Variants in TEX2 observed in about 807,000 individuals in gnomAD.
TEX2 encodes the protein testis expressed 2, also known as testis-expressed protein 2.
TEX2 carries 53 observed loss-of-function variants against 106.9 expected under a neutral mutation model. The observed-to-expected ratio is 0.50, with a 90% confidence interval of 0.40 to 0.62. TEX2 has a LOEUF of 0.62. Among genes scored for constraint, TEX2 ranks in the 20% least tolerant of loss-of-function variants. TEX2 has a pLI of 0.00. For synonymous variants in TEX2, 523 were observed against 534.8 expected (o/e 0.98, Z 0.30); for missense variants, 1,207 against 1,379.0 (o/e 0.88, Z 1.98).
At chr17:64,193,470 T>G in intron 4 of TEX2, 89 bp downstream of exon 4, 4 of 1,164,824 alleles carry the variant, frequency 3.4e-6, no homozygotes, top group Non-Finnish European at 4.6e-6. Flanking sequence ...TGGGCTTCCT[T>G]CCTTCCTTCC....
chr17:64,242,100 C>A (rs1224909704), intron 1 of TEX2, among the ~76,000 whole-genome samples: 1 of 152,206 alleles, frequency 6.6e-6, no homozygotes, highest in Non-Finnish European at 1.5e-5. Context: ...AGGAACACTG[C>A]ACATAATACC....
At chr17:64,151,818 A>C (rs1025294425) in intron 10 of TEX2, among the ~76,000 whole-genome samples, 1 of 152,230 alleles carries the variant, frequency 6.6e-6, no homozygotes, top group Non-Finnish European at 1.5e-5. Flanking sequence ...AAATGTATCA[A>C]TTTTAACTAT....
intron 5 of TEX2, among the ~76,000 whole-genome samples, chr17:64,178,604 T>C (rs2031709274): frequency 6.6e-6 from 1 of 152,182 alleles, no homozygotes; most frequent in African/African-American, 2.4e-5. Context: ...ATGGCAGACA[T>C]TTTCCTGTGC....
rs2033228524 is a variant in TEX2, at chr17:64,217,821, C to G, written c.-25-3579G>C. Among the ~76,000 whole-genome samples the G allele has an allele frequency of 6.6e-6, 1 of 152,196 alleles. No individual in the cohort carries two copies. The highest frequency in any genetic ancestry group is 2.1e-4 in the South Asian group (1 of 4,836). On this transcript the variant is annotated intron_variant, in intron 1 of 11. Coordinates refer to ENST00000584379, the MANE Select transcript of TEX2 (RefSeq NM_001288732.2). This position sits in a 1 kb window ranked among gnomAD's most constrained non-coding sequence, Gnocchi z 4.3. ...GCCCTTGGGTTTTAACACTGACCCC[C>G]CAAGCCTTGTGATGGGAAGGAGAGC... is the stretch of plus-strand genomic sequence containing the variant.
intron 1 of TEX2, among the ~76,000 whole-genome samples, chr17:64,252,567 T>C (rs1367639274): frequency 1.3e-5 from 2 of 151,968 alleles, no homozygotes; most frequent in Non-Finnish European, 2.9e-5. Flanking sequence ...CCTCCCACCC[T>C]AGCCTCCCAA....
chr17:64,168,277 C>T (rs2031230680), intron 7 of TEX2, among the ~76,000 whole-genome samples: 1 of 152,208 alleles, frequency 6.6e-6, no homozygotes, highest in Non-Finnish European at 1.5e-5. Context: ...TATCATCATA[C>T]ATGCATCATT....
chr17:64,187,687 T>C (rs2030754860), intron 5 of TEX2, among the ~76,000 whole-genome samples: 1 of 152,166 alleles, frequency 6.6e-6, no homozygotes, highest in South Asian at 2.1e-4. Flanking sequence ...CCAGGCCTCC[T>C]TGCTGTTCCT....
Position 64,160,944 on chromosome 17 carries a change from G to A in TEX2, c.2672-11C>T. The A allele has an allele frequency of 1.2e-6, 2 of 1,600,708 alleles. No homozygotes were observed. The highest frequency in any genetic ancestry group is 1.7e-6 in the Non-Finnish European group (2 of 1,175,862). On this transcript the variant is annotated splice_polypyrimidine_tract_variant and intron_variant, in intron 7 of 11. Coordinates refer to ENST00000584379, the MANE Select transcript of TEX2 (RefSeq NM_001288732.2). Reference sequence around the variant, plus strand: ...AATCAATCCAGAGTCCTGGAGAAATGGTGAAAAAACAGAAGGTTTTTTTCC... The same window carrying A: ...AATCAATCCAGAGTCCTGGAGAAATAGTGAAAAAACAGAAGGTTTTTTTCC...
chr17:64,248,293 G>T (rs968086666), intron 1 of TEX2, among the ~76,000 whole-genome samples: 7 of 152,178 alleles, frequency 4.6e-5, no homozygotes, highest in Admixed American at 1.3e-4. Flanking sequence ...TGGGAGAAAA[G>T]AATCTATTTT....
chr17:64,176,196 C>T (rs2031609573), intron 6 of TEX2, among the ~76,000 whole-genome samples: 1 of 152,160 alleles, frequency 6.6e-6, no homozygotes, highest in Non-Finnish European at 1.5e-5. Context: ...CTTCCTCTTT[C>T]TCAGGAGCTG....
intron 5 of TEX2, among the ~76,000 whole-genome samples, chr17:64,180,498 A>G (rs960478044): frequency 6.6e-6 from 1 of 152,246 alleles, no homozygotes; most frequent in African/African-American, 2.4e-5. Flanking sequence ...GAACATCGAT[A>G]ATGCATCAAA....
chr17:64,187,126 G>C (rs1410392189), intron 5 of TEX2, among the ~76,000 whole-genome samples: 1 of 152,186 alleles, frequency 6.6e-6, no homozygotes, highest in African/African-American at 2.4e-5. Context: ...CAAGAGAGCA[G>C]AGTAATTCTA....
At chr17:64,249,331 A>G (rs1229049474) in intron 1 of TEX2, among the ~76,000 whole-genome samples, 1 of 152,162 alleles carries the variant, frequency 6.6e-6, no homozygotes, top group Non-Finnish European at 1.5e-5. Flanking sequence ...ACTCCACTGG[A>G]GCACTGTGGG....
Position 64,152,950 on chromosome 17 carries a change from T to C in TEX2, c.3135A>G (p.Arg1045=). 6.2e-7 allele frequency: 1 copy of C among 1,614,000 alleles called. No homozygotes were observed. The highest frequency in any genetic ancestry group is 2.2e-5 in the East Asian group (1 of 44,876). ...AVNIPPPPTD[R]VWYGFRKPPH... ...CCTGAGGGCCCTCTACGCACCATACTCGGTCAGTCGGGGGTGGTGGAATGT... is the reference window on the plus strand; with the variant it reads ...CCTGAGGGCCCTCTACGCACCATACCCGGTCAGTCGGGGGTGGTGGAATGT... The change falls in exon 10 of 12, where the codon CGA becomes CGG. Residue 1045 remains arginine, a synonymous_variant. Coordinates refer to ENST00000584379, the MANE Select transcript of TEX2 (RefSeq NM_001288732.2).
chr17:64,219,489 G>A (rs1335598458), intron 1 of TEX2, among the ~76,000 whole-genome samples: 1 of 143,576 alleles, frequency 7.0e-6, no homozygotes, highest in East Asian at 2.0e-4. Flanking sequence ...CTGGGCAACA[G>A]AGTGAGACTC....
At chr17:64,255,873 T>A (rs1166661732) in intron 1 of TEX2, 1 of 152,234 alleles carries the variant, frequency 6.6e-6, no homozygotes, top group Non-Finnish European at 1.5e-5. Flanking sequence ...CAGTAGTCTC[T>A]GTCTCCTCTT....
chr17:64,235,584 T>G (rs1414801867), intron 1 of TEX2, among the ~76,000 whole-genome samples: 1 of 152,180 alleles, frequency 6.6e-6, no homozygotes, highest in Non-Finnish European at 1.5e-5. Context: ...TTTTGTCTAT[T>G]GTGATAGGCC....
intron 1 of TEX2, among the ~76,000 whole-genome samples, chr17:64,221,256 G>T (rs2033351588): frequency 6.6e-6 from 1 of 152,048 alleles, no homozygotes; most frequent in Admixed American, 6.6e-5. Flanking sequence ...ATGCATGTGG[G>T]GGTTAACACC....
At chr17:64,215,778 GGCTT>G (rs1162776171) in intron 1 of TEX2, among the ~76,000 whole-genome samples, 1 of 152,286 alleles carries the variant, frequency 6.6e-6, no homozygotes, top group South Asian at 2.1e-4. Flanking sequence ...GACATTATGT[GGCTT>G]GCTTATTTCT....
Sources: gnomAD v4.1 joint callset for allele counts (sites outside exome capture counted in the v4.1 genomes callset) on GRCh38, gnomAD v4.1.1 for gene constraint, Gnocchi (gnomAD v3.1) non-coding constraint, MANE v1.5 for transcripts, NCBI Gene and HGNC (gene_info 2026-07-23, HGNC 2026-07-21) for gene names.